The following ITGB4 variants were observed in gnomAD, a reference collection of about 807,000 sequenced individuals.
The protein encoded by ITGB4 is integrin subunit beta 4.
ITGB4 carries 159 observed loss-of-function variants against 207.6 expected under a neutral mutation model. That is an observed-to-expected ratio of 0.77 (90% CI 0.67 to 0.87). The LOEUF (loss-of-function observed/expected upper bound fraction) is 0.87, where lower values mean the gene tolerates loss of function less well. ITGB4 is among the 40% of genes least tolerant of loss of function. The pLI is 0.00. For synonymous variants in ITGB4, 1,020 were observed against 1,062.7 expected (o/e 0.96, Z 0.78); for missense variants, 2,278 against 2,546.8 (o/e 0.89, Z 2.27).
chr17:75,757,411 C>G lies in ITGB4; in HGVS notation c.5330-5C>G. 1 of 1,613,146 alleles carries G rather than the reference C, an allele frequency of 6.2e-7. No homozygotes were observed. The highest frequency in any genetic ancestry group is 8.5e-7 in the Non-Finnish European group (1 of 1,179,990). ...CCAGGTCATCTAATGCCTCCTCCTC[C>G]ACAGATGGGCTGACCCTGGGGGCCC... On this transcript the variant is annotated splice_region_variant and splice_polypyrimidine_tract_variant and intron_variant, in intron 39 of 39. Coordinates refer to ENST00000200181, the MANE Select transcript of ITGB4 (RefSeq NM_000213.5).
At position 75,754,604 on chromosome 17, in the gene ITGB4, T is replaced by C; in HGVS notation, c.4347T>C (p.Phe1449=). The part of the protein sequence containing the change: ...GEHLVNGRMD[F]AFPGSTNSLH... ...ACCTGGTGAATGGCCGGATGGACTT[T>C]GCCTTCCCGGGCAGCACCAACTCCC... is the stretch of plus-strand genomic sequence containing the variant. The change falls in exon 34 of 40, where the codon TTT becomes TTC. Residue 1449 remains phenylalanine (F), a synonymous_variant. Transcript: ENST00000200181. 1 of 1,613,824 alleles carries C rather than the reference T, an allele frequency of 6.2e-7. No individual in the cohort carries two copies. Among genetic ancestry groups the C allele is most frequent in the Non-Finnish European group, 8.5e-7 (1 of 1,179,962 alleles).
chr17:75,750,355 G>A lies in ITGB4; in HGVS notation c.3474+87G>A, dbSNP rs1042181257. The A allele has an allele frequency of 1.2e-5, 16 of 1,371,516 alleles. No individual in the cohort carries two copies. In the Admixed American group the frequency reaches 3.3e-4, roughly 28 times the overall value. The allele number at this position is 1,371,516 out of a possible 1,614,324, so 85.0% of individuals were successfully genotyped here. A position where few individuals can be genotyped will look rare whatever the true frequency, so the allele number is the denominator to read the frequency against. ...AAGAGGTGGGCCGTCCAAGGCCAGG[G>A]CCCCCTGAGAGAGAGCAGACAGTGG... is the stretch of plus-strand genomic sequence containing the variant. On this transcript the variant is annotated intron_variant, in intron 28 of 39. Transcript: ENST00000200181. The surrounding 1 kb of genome is among the most constrained non-coding windows in gnomAD (Gnocchi z 5.5).
chr17:75,730,581 C>T, intron 8 of ITGB4, 77 bp downstream of exon 8: 4 of 1,090,360 alleles, frequency 3.7e-6, no homozygotes, highest in South Asian at 2.9e-5. Context: ...CCTCTCCCTC[C>T]CTCCCTCCCT....
intron 5 of ITGB4, among the ~76,000 whole-genome samples, 182 bp from the exon 6 acceptor site, chr17:75,728,195 C>G (rs2148466195): frequency 6.6e-6 from 1 of 152,354 alleles, no homozygotes; most frequent in African/African-American, 2.4e-5. Context: ...ACTCCAGACC[C>G]CCAGTCCCAT....
intron 16 of ITGB4, among the ~76,000 whole-genome samples, chr17:75,737,008 C>T (rs886083705): frequency 6.6e-5 from 10 of 152,190 alleles, no homozygotes; most frequent in African/African-American, 1.9e-4. Flanking sequence ...TACATGGTCA[C>T]GCTGTGGAGA....
At position 75,732,948 on chromosome 17, in the gene ITGB4, C is replaced by T. The variant is rs962560977; in HGVS notation, c.1455-542C>T. On this transcript the variant is annotated intron_variant, in intron 12 of 39. Coordinates refer to ENST00000200181, the MANE Select transcript of ITGB4 (RefSeq NM_000213.5). The surrounding 1 kb of genome is among the most constrained non-coding windows in gnomAD (Gnocchi z 5.3). ...CTAAAAATACAAAAAAGTAGCTGGGCGTGGTGGTGCATGCCTGTAATCCCA... is the reference window on the plus strand; with the variant it reads ...CTAAAAATACAAAAAAGTAGCTGGGTGTGGTGGTGCATGCCTGTAATCCCA... 1.3e-5 allele frequency among the ~76,000 whole-genome samples: 2 copies of T among 151,784 alleles called. No homozygotes were observed. The highest frequency in any genetic ancestry group is 4.8e-5 in the African/African-American group (2 of 41,252).
chr17:75,737,328 A>C lies in ITGB4; in HGVS notation c.1997A>C (p.Glu666Ala), dbSNP rs2061000750. 1 of 1,591,796 alleles carries C rather than the reference A, an allele frequency of 6.3e-7. No individual in the cohort carries two copies. The highest frequency in any genetic ancestry group is 1.8e-5 in the Admixed American group (1 of 56,826). ...TGACTGGCTGTGGGTACAGCCGAGG[A>C]GGTGGTGGTGCGCTGCTCCTTCCGG... is the stretch of plus-strand genomic sequence containing the variant. ...KMVDELKRAEEVVVRCSFRDE... is the reference protein window; with the variant it reads ...KMVDELKRAEAVVVRCSFRDE... The change falls in exon 17 of 40, where the codon GAG becomes GCG. Residue 666 changes from glutamate to alanine, a missense_variant. Glu to Ala is a moderately radical substitution (Grantham distance 107, BLOSUM62 -1). Transcript: ENST00000200181.
At chr17:75,738,699 A>G (rs549730236) in intron 18 of ITGB4, among the ~76,000 whole-genome samples, 1 of 152,244 alleles carries the variant, frequency 6.6e-6, no homozygotes, top group Non-Finnish European at 1.5e-5. Flanking sequence ...AACAGACAAG[A>G]GAAAGCGTGG....
chr17:75,723,553 T>C (rs115552644), intron 1 of ITGB4, among the ~76,000 whole-genome samples: 1,526 of 152,346 alleles, frequency 0.01, 24 homozygotes, highest in African/African-American at 0.034. Flanking sequence ...TCCCAGTCCC[T>C]GTGCCACAAC....
chr17:75,728,548 C>G, intron 6 of ITGB4, 75 bp downstream of exon 6: 1 of 1,210,164 alleles, frequency 8.3e-7, no homozygotes, highest in Middle Eastern at 1.9e-4. Context: ...TCACCCACAA[C>G]TTAAAATTAT....
At chr17:75,743,674 G>C in intron 25 of ITGB4, 39 bp from the exon 26 acceptor site, 5 of 1,613,234 alleles carry the variant, frequency 3.1e-6, no homozygotes, top group Non-Finnish European at 4.2e-6. Flanking sequence ...GAAGGGACTG[G>C]GCCCAGCACA....
intron 1 of ITGB4, among the ~76,000 whole-genome samples, chr17:75,724,170 T>C (rs2148449793): frequency 6.6e-6 from 1 of 152,274 alleles, no homozygotes; most frequent in South Asian, 2.1e-4. Context: ...AGTAAGCCAC[T>C]GCGGGCAGCT....
rs1485991484 is a variant in ITGB4, at chr17:75,756,425, C to T, written c.4709-4C>T. 1.9e-6 allele frequency: 3 copies of T among 1,613,056 alleles called. No individual in the cohort carries two copies. Among genetic ancestry groups the T allele is most frequent in the Admixed American group, 3.3e-5 (2 of 59,994 alleles). On this transcript the variant is annotated splice_polypyrimidine_tract_variant and splice_region_variant and intron_variant, in intron 35 of 39. Transcript: ENST00000200181. ...TACTGTGTGCCCCCACCTGATCCCCCCAGGTGAGCTGCATCGGCTCAACAT... is the reference window on the plus strand; with the variant it reads ...TACTGTGTGCCCCCACCTGATCCCCTCAGGTGAGCTGCATCGGCTCAACAT...
intron 27 of ITGB4, 141 bp from the exon 28 acceptor site, chr17:75,749,970 C>T: frequency 9.5e-7 from 1 of 1,050,736 alleles, no homozygotes; most frequent in Middle Eastern, 2.3e-4. Context: ...TGGGGCACCA[C>T]CAGGTCTCCA....
At chr17:75,745,868 G>A (rs182333211) in intron 26 of ITGB4, among the ~76,000 whole-genome samples, 340 of 152,108 alleles carry the variant, frequency 2.2e-3, no homozygotes, top group South Asian at 4.6e-3. Context: ...GACAGAGTGA[G>A]ACTCTGTCTC....
At position 75,757,321 on chromosome 17, in the gene ITGB4, A is replaced by AG; in HGVS notation, c.5329+14dup. 2 of 1,612,486 alleles carry AG rather than the reference A, an allele frequency of 1.2e-6. No individual in the cohort carries two copies. Among genetic ancestry groups the AG allele is most frequent in the Non-Finnish European group, 1.7e-6 (2 of 1,179,924 alleles). On this transcript the variant is annotated intron_variant, in intron 39 of 39. Coordinates refer to ENST00000200181, the MANE Select transcript of ITGB4 (RefSeq NM_000213.5). ...AGCCCTTCCTAGTGGGTGAGCACTG[A>AG]GGGCTAGGGGATCCCGGCTCTCCTG...
At chr17:75,754,174 C>T (rs1164879537) in intron 33 of ITGB4, among the ~76,000 whole-genome samples, 200 bp downstream of exon 33, 1 of 152,162 alleles carries the variant, frequency 6.6e-6, no homozygotes, top group Non-Finnish European at 1.5e-5. Flanking sequence ...CCTTATGGTG[C>T]CTGCCTGGCC....
chr17:75,755,669 A>T (rs1313218084), intron 34 of ITGB4, 32 bp from the exon 35 acceptor site: 1 of 1,611,976 alleles, frequency 6.2e-7, no homozygotes, highest in South Asian at 1.1e-5. Flanking sequence ...TAGCCCCTGC[A>T]TCTCTGGCTG....
rs376733146 is a variant in ITGB4, at chr17:75,757,016, C to T, written c.5127C>T (p.Asn1709=). 7.6e-5 allele frequency: 123 copies of T among 1,612,938 alleles called. No homozygotes were observed. Among genetic ancestry groups the T allele is most frequent in the Middle Eastern group, 3.3e-4 (2 of 6,060 alleles). The change falls in exon 38 of 40, where the codon AAC becomes AAT. Residue 1709 remains asparagine (N), a synonymous_variant. Coordinates refer to ENST00000200181, the MANE Select transcript of ITGB4 (RefSeq NM_000213.5). ...TGACCGTGCCGGGCCTCAGCGAGAA[C>T]GTGCCCTACAAGTTCAAGGTGCAGG... ...SRLTVPGLSE[N]VPYKFKVQAR... is the part of the protein sequence containing the mutation.
Sources: allele counts gnomAD v4.1 joint callset (sites outside exome capture counted in the v4.1 genomes callset), GRCh38; gene constraint gnomAD v4.1.1; non-coding constraint Gnocchi (gnomAD v3.1); transcripts MANE v1.5; gene names NCBI Gene and HGNC (gene_info 2026-07-23, HGNC 2026-07-21).